The following ANXA8 variants were observed in gnomAD, a reference collection of about 807,000 sequenced individuals.
ANXA8 encodes annexin A8, also known as VAC-beta.
ANXA8 carries 9 observed loss-of-function variants against 26.8 expected under a neutral mutation model. The observed-to-expected ratio is 0.34, with a 90% CI of 0.20 to 0.59. ANXA8 has a LOEUF of 0.59. Ranked by LOEUF, ANXA8 falls within the 20% of genes least tolerant of loss-of-function variation. The pLI, the probability that ANXA8 is intolerant of heterozygous loss-of-function variation, is 0.84. For missense variants in ANXA8, 83 were observed against 238.5 expected (o/e 0.35, Z 4.29); for synonymous variants, 39 against 94.8 (o/e 0.41, Z 3.42).
chr10:47,558,596 C>G, the ANXA8 span, among the ~76,000 whole-genome samples: 3 of 149,786 alleles, frequency 2.0e-5, no homozygotes, highest in Non-Finnish European at 3.0e-5. Context: ...CTATTGTTGT[C>G]CAGGCTGGTC....
the ANXA8 span, among the ~76,000 whole-genome samples, chr10:47,680,482 A>G: frequency 4.0e-5 from 6 of 151,836 alleles, no homozygotes; most frequent in African/African-American, 1.5e-4. Context: ...TAAAAATACA[A>G]AAATTAGCTG....
At chr10:47,946,265 A>T in the ANXA8 span, among the ~76,000 whole-genome samples, 1 of 149,062 alleles carries the variant, frequency 6.7e-6, no homozygotes, top group Non-Finnish European at 1.5e-5. Flanking sequence ...AAACTCTCTT[A>T]GTTTCCTCCA....
At chr10:47,548,420 G>A in the ANXA8 span, among the ~76,000 whole-genome samples, 15 of 151,174 alleles carry the variant, frequency 9.9e-5, no homozygotes, top group African/African-American at 3.4e-4. Flanking sequence ...TCCTGCCTCA[G>A]CCTCCTAAGT....
chr10:47,989,078 C>A, the ANXA8 span, among the ~76,000 whole-genome samples: 2 of 145,954 alleles, frequency 1.4e-5, no homozygotes, highest in South Asian at 2.3e-4. Flanking sequence ...AGTACTGATG[C>A]CTCACTTTAC....
At chr10:47,889,014 GTGTA>G in the ANXA8 span, among the ~76,000 whole-genome samples, 1 of 109,384 alleles carries the variant, frequency 9.1e-6, no homozygotes, top group African/African-American at 3.7e-5. Flanking sequence ...GTGTGTGTGT[GTGTA>G]TTTATTTATT....
chr10:47,567,914 C>G, the ANXA8 span: 2,096 of 544,900 alleles, frequency 3.8e-3, 6 homozygotes, highest in Non-Finnish European at 5.4e-3. Flanking sequence ...ACTTTTTTAA[C>G]CTTTATATGG....
At chr10:47,683,939 T>G in the ANXA8 span, among the ~76,000 whole-genome samples, 8 of 152,040 alleles carry the variant, frequency 5.3e-5, no homozygotes, top group Admixed American at 3.3e-4. Flanking sequence ...ATAAGCATTT[T>G]TTTTTAGTTG....
the ANXA8 span, among the ~76,000 whole-genome samples, chr10:47,674,539 A>G: frequency 2.0e-5 from 3 of 151,512 alleles, no homozygotes; most frequent in South Asian, 4.1e-4. Context: ...GTATTTCTTT[A>G]CTACAAAGTT....
At chr10:47,704,680 T>C in the ANXA8 span, among the ~76,000 whole-genome samples, 3 of 151,922 alleles carry the variant, frequency 2.0e-5, no homozygotes, top group African/African-American at 7.3e-5. Context: ...TGTGAAAATT[T>C]AGCAAAGTAG....
chr10:47,687,467 G>A, the ANXA8 span, among the ~76,000 whole-genome samples: 2 of 151,664 alleles, frequency 1.3e-5, no homozygotes, highest in Non-Finnish European at 2.9e-5. Flanking sequence ...GTTTCGCCAT[G>A]TTGGCCAGGC....
the ANXA8 span, among the ~76,000 whole-genome samples, chr10:47,714,584 AGT>A: frequency 2.9e-5 from 2 of 70,076 alleles, no homozygotes; most frequent in Non-Finnish European, 5.2e-5. Context: ...TGTGGCTTTA[AGT>A]ATTAGAATTG....
chr10:47,944,359 G>A, the ANXA8 span, among the ~76,000 whole-genome samples: 21 of 141,226 alleles, frequency 1.5e-4, no homozygotes, highest in African/African-American at 4.3e-4. Flanking sequence ...TCCTCCCCCC[G>A]CATCATGCTG....
upstream of ANXA8, among the ~76,000 whole-genome samples, chr10:47,488,518 T>G (rs1486988215): frequency 0.032 from 4,875 of 151,242 alleles, 331 homozygotes; most frequent in African/African-American, 0.11. Context: ...GCCTATGGTA[T>G]TTTATAAGAG....
the ANXA8 span, among the ~76,000 whole-genome samples, chr10:47,639,984 G>T: frequency 6.8e-6 from 1 of 147,148 alleles, no homozygotes; most frequent in African/African-American, 2.6e-5. Context: ...TAGAGACAGG[G>T]TTTCACTGTG....
At chr10:47,655,770 C>CAA in the ANXA8 span, among the ~76,000 whole-genome samples, 3 of 151,964 alleles carry the variant, frequency 2.0e-5, no homozygotes, top group African/African-American at 4.8e-5. Flanking sequence ...CCTGTAATCC[C>CAA]AGCACTTTGG....
the ANXA8 span, among the ~76,000 whole-genome samples, chr10:47,617,666 G>T: frequency 2.0e-3 from 278 of 140,798 alleles, no homozygotes; most frequent in Admixed American, 3.8e-3. Flanking sequence ...TCATCTTTTT[G>T]CCCAGCAAAA....
the ANXA8 span, among the ~76,000 whole-genome samples, chr10:47,949,571 ACT>A: frequency 4.1e-4 from 62 of 150,914 alleles, no homozygotes; most frequent in Non-Finnish European, 6.2e-4. Context: ...ATAACAACGT[ACT>A]GTGTGGCTTA....
chr10:47,760,872 G>C, the ANXA8 span: 4 of 1,425,450 alleles, frequency 2.8e-6, no homozygotes, highest in Non-Finnish European at 3.8e-6. Context: ...CACTGTGCAG[G>C]GGCACCCAAT....
At chr10:47,645,646 G>A in the ANXA8 span, among the ~76,000 whole-genome samples, 1 of 151,612 alleles carries the variant, frequency 6.6e-6, no homozygotes, top group Non-Finnish European at 1.5e-5. Context: ...AACTTCATGT[G>A]TCAGTTTTAC....
Sources: allele counts gnomAD v4.1 joint callset (sites outside exome capture counted in the v4.1 genomes callset), GRCh38; gene constraint gnomAD v4.1.1; transcripts MANE v1.5; gene names NCBI Gene and HGNC (gene_info 2026-07-23, HGNC 2026-07-21).